LAMA2: variants seen among roughly 807,000 people sequenced by gnomAD.
The protein encoded by LAMA2 is laminin subunit alpha 2, also known as laminin subunit alpha-2.
In LAMA2, 269 loss-of-function variants were observed where a neutral mutation model predicts 364.8. The observed-to-expected ratio is 0.74, with a 90% CI of 0.67 to 0.82. LAMA2 has a LOEUF of 0.82. LAMA2 is among the 40% of genes least tolerant of loss of function. LAMA2 has a pLI of 0.00. For missense variants in LAMA2, 3,807 were observed against 3,873.2 expected (o/e 0.98, Z 0.45); for synonymous variants, 1,379 against 1,370.6 (o/e 1.01, Z -0.14).
intron 1 of LAMA2, among the ~76,000 whole-genome samples, chr6:128,967,477 C>T (rs955201806): frequency 6.6e-6 from 1 of 152,182 alleles, no homozygotes; most frequent in South Asian, 2.1e-4. Context: ...ATACATCAGG[C>T]TTGGAAACAT....
intron 17 of LAMA2, among the ~76,000 whole-genome samples, chr6:129,273,080 G>C (rs1413284089): frequency 2.0e-5 from 3 of 152,066 alleles, no homozygotes; most frequent in Non-Finnish European, 2.9e-5. Context: ...TTAGAGAAGA[G>C]GAAGAAGGCA....
Position 129,452,975 on chromosome 6 carries a change from G to GT in LAMA2, c.6430-5dup, listed in dbSNP as rs550488535. ...ATTTACTCTTGGTTCTTTGTATCTT[G>GT]TTTTTTTTAAAGATCAAAGTATCTG... On this transcript the variant is annotated splice_polypyrimidine_tract_variant and intron_variant, in intron 45 of 64. Transcript: ENST00000421865. 8.6e-4 allele frequency: 1,378 copies of GT among 1,607,506 alleles called. No homozygotes were observed. Among genetic ancestry groups the GT allele is most frequent in the Non-Finnish European group, 1.1e-3 (1,282 of 1,175,498 alleles).
chr6:129,247,812 T>C (rs559819471), intron 12 of LAMA2, among the ~76,000 whole-genome samples: 5 of 152,348 alleles, frequency 3.3e-5, no homozygotes, highest in Admixed American at 3.3e-4. Flanking sequence ...ATCGCTATTA[T>C]TATTAGCCCT....
At chr6:129,113,386 G>A (rs140048943) in intron 4 of LAMA2, among the ~76,000 whole-genome samples, 320 of 152,074 alleles carry the variant, frequency 2.1e-3, no homozygotes, top group African/African-American at 6.6e-3. Flanking sequence ...CTGGTGTTCC[G>A]TGCTAAGAAA....
intron 1 of LAMA2, among the ~76,000 whole-genome samples, chr6:129,026,868 G>A (rs1399916753): frequency 6.6e-6 from 1 of 152,078 alleles, no homozygotes; most frequent in Non-Finnish European, 1.5e-5. Flanking sequence ...GCATATTTTT[G>A]TGTGTAAGTT....
At chr6:129,238,870 G>A (rs946601312) in intron 12 of LAMA2, among the ~76,000 whole-genome samples, 6 of 151,164 alleles carry the variant, frequency 4.0e-5, no homozygotes, top group South Asian at 2.1e-4. Context: ...TCAGCAATTG[G>A]GTCTCCTTAT....
At chr6:129,472,891 T>G (rs914228947) in intron 51 of LAMA2, among the ~76,000 whole-genome samples, 3 of 152,012 alleles carry the variant, frequency 2.0e-5, no homozygotes, top group Admixed American at 6.6e-5. Context: ...AACCTTGCTT[T>G]ATTTTCTAAC....
rs142414551 is a variant in LAMA2 at position 129,258,593 on chromosome 6, G to A, written c.2097-2118G>A. Among the ~76,000 whole-genome samples the A allele has an allele frequency of 1.9e-3, 286 of 152,000 alleles. 1 individual carries two copies. Among genetic ancestry groups the A allele is most frequent in the Non-Finnish European group, 3.3e-3 (221 of 67,908 alleles). On this transcript the variant is annotated intron_variant, in intron 14 of 64. Coordinates refer to ENST00000421865, the MANE Select transcript of LAMA2 (RefSeq NM_000426.4). ...AATGTCTTAGAATTAGATATATGTCGTAGTTGCACAACATTGTAAATGTAC... is the reference window on the plus strand; with the variant it reads ...AATGTCTTAGAATTAGATATATGTCATAGTTGCACAACATTGTAAATGTAC...
Position 129,312,842 on chromosome 6 carries a change from G to T in LAMA2, c.3175-19G>T. ...CCATAAAGTTGTGTTAATGGTTGCT[G>T]TTTTTATCTCCTCTATAGGCTTGTA... On this transcript the variant is annotated intron_variant, in intron 22 of 64. Transcript: ENST00000421865. The T allele has an allele frequency of 6.3e-7, 1 of 1,576,512 alleles. No individual in the cohort carries two copies.
At chr6:129,474,795 A>G (rs1178825737) in intron 52 of LAMA2, among the ~76,000 whole-genome samples, 1 of 152,186 alleles carries the variant, frequency 6.6e-6, no homozygotes, top group Non-Finnish European at 1.5e-5. Flanking sequence ...TGTTAAATGA[A>G]TCTTTATCAC....
At chr6:129,273,019 G>T (rs747568779) in intron 17 of LAMA2, among the ~76,000 whole-genome samples, 1 of 152,144 alleles carries the variant, frequency 6.6e-6, no homozygotes, top group East Asian at 1.9e-4. Context: ...AGGGCCTAAG[G>T]CATGAGCCTG....
chr6:129,027,052 T>G (rs1766921679), intron 1 of LAMA2, among the ~76,000 whole-genome samples: 1 of 152,116 alleles, frequency 6.6e-6, no homozygotes, highest in African/African-American at 2.4e-5. Flanking sequence ...AATACCTATC[T>G]TTGGCTTAGT....
At chr6:129,411,528 C>T (rs140587198) in intron 40 of LAMA2, among the ~76,000 whole-genome samples, 1 of 152,252 alleles carries the variant, frequency 6.6e-6, no homozygotes, top group Admixed American at 6.5e-5. Context: ...TCTCTTATAG[C>T]AAATTTCCCA....
At position 128,991,336 on chromosome 6, in the gene LAMA2, C is replaced by T. The variant is rs888597145; in HGVS notation, c.113-58582C>T. On this transcript the variant is annotated intron_variant, in intron 1 of 64. Transcript: ENST00000421865. ...TACTGTTGATCTCAGAACTGTTCTG[C>T]AGTCCTGAAGTATGAAACACTATTG... Among the ~76,000 whole-genome samples the T allele has an allele frequency of 2.0e-5, 3 of 152,110 alleles. No homozygotes were observed. The East Asian group carries it at 5.8e-4, about 29-fold the overall frequency.
intron 20 of LAMA2, among the ~76,000 whole-genome samples, chr6:129,294,725 G>A (rs1161298566): frequency 6.6e-6 from 1 of 152,172 alleles, no homozygotes; most frequent in East Asian, 1.9e-4. Context: ...CACACTGTAG[G>A]TTGTCTTGCA....
intron 12 of LAMA2, among the ~76,000 whole-genome samples, chr6:129,195,357 T>C (rs1031904970): frequency 1.3e-5 from 2 of 152,158 alleles, no homozygotes; most frequent in African/African-American, 4.8e-5. Flanking sequence ...CTGGTTGTAA[T>C]AAAACTCAAG....
chr6:129,485,629 T>TTTAA (rs1421577113), intron 55 of LAMA2, among the ~76,000 whole-genome samples: 6 of 152,300 alleles, frequency 3.9e-5, no homozygotes, highest in African/African-American at 1.4e-4. Flanking sequence ...CTAAGGAATT[T>TTTAA]TTAATTGAGT....
intron 15 of LAMA2, among the ~76,000 whole-genome samples, chr6:129,266,853 C>A (rs568960531): frequency 6.6e-6 from 1 of 152,084 alleles, no homozygotes; most frequent in South Asian, 2.1e-4. Context: ...CTTTATTTTA[C>A]CATTTCAGAA....
At chr6:129,019,345 A>T (rs1025508979) in intron 1 of LAMA2, among the ~76,000 whole-genome samples, 1 of 150,998 alleles carries the variant, frequency 6.6e-6, no homozygotes, top group Non-Finnish European at 1.5e-5. Context: ...AAATTAAAAC[A>T]TAAATTCCTT....
Sources: allele counts gnomAD v4.1 joint callset (sites outside exome capture counted in the v4.1 genomes callset), GRCh38; gene constraint gnomAD v4.1.1; transcripts MANE v1.5; gene names NCBI Gene and HGNC (gene_info 2026-07-23, HGNC 2026-07-21).